PIK3AP1: variants seen among roughly 807,000 people sequenced by gnomAD.
The protein encoded by PIK3AP1 is phosphoinositide 3-kinase adapter protein 1.
In PIK3AP1, 21 loss-of-function variants were observed where a neutral mutation model predicts 88.1. That is an observed-to-expected ratio of 0.24 (90% CI 0.17 to 0.34). The LOEUF (loss-of-function observed/expected upper bound fraction) is 0.34, where lower values mean the gene tolerates loss of function less well. Ranked by LOEUF, PIK3AP1 falls within the 10% of genes least tolerant of loss-of-function variation. The pLI is 1.00. For missense variants in PIK3AP1, 828 were observed against 1,035.7 expected (o/e 0.80, Z 2.75); for synonymous variants, 398 against 400.0 (o/e 1.00, Z 0.06).
chr10:96,689,105 A>G lies in PIK3AP1; in HGVS notation c.430+20462T>C, dbSNP rs548587381. Among the ~76,000 whole-genome samples the G allele has an allele frequency of 7.4e-4, 113 of 152,040 alleles. 1 individual carries two copies. Among genetic ancestry groups the G allele is most frequent in the African/African-American group, 2.7e-3 (112 of 41,472 alleles). On this transcript the variant is annotated intron_variant, in intron 2 of 16. Transcript: ENST00000339364. Reference sequence around the variant, plus strand: ...GATGTTGAAGGTTCTTCTTCCACTGACTCAATATAACCTTCATAATCATTT... The same window carrying G: ...GATGTTGAAGGTTCTTCTTCCACTGGCTCAATATAACCTTCATAATCATTT...
chr10:96,710,681 C>T (rs755313646), intron 1 of PIK3AP1, among the ~76,000 whole-genome samples: 6 of 152,150 alleles, frequency 3.9e-5, no homozygotes, highest in Non-Finnish European at 8.8e-5. Context: ...ATGTTCCAGG[C>T]ACTCTTCCAA....
At chr10:96,612,944 GTGTGTGTATATATATATATATA>G (rs1368157001) in intron 13 of PIK3AP1, among the ~76,000 whole-genome samples, 2 of 57,120 alleles carry the variant, frequency 3.5e-5, no homozygotes, top group Admixed American at 5.9e-4. Flanking sequence ...TGAATTGTGT[GTGTGTGTATATATATATATATA>G]TATATATATA....
chr10:96,715,686 C>T (rs1370526120), intron 1 of PIK3AP1, among the ~76,000 whole-genome samples: 11 of 152,018 alleles, frequency 7.2e-5, no homozygotes, highest in South Asian at 2.1e-4. Flanking sequence ...GTCAGGAGAT[C>T]GAGACCATCC....
chr10:96,616,801 A>G, intron 12 of PIK3AP1, 90 bp from the exon 13 acceptor site: 1 of 1,244,876 alleles, frequency 8.0e-7, no homozygotes, highest in Non-Finnish European at 1.2e-6. Context: ...TGCTGTTTGC[A>G]GGGTATATCA....
intron 14 of PIK3AP1, 99 bp downstream of exon 14, chr10:96,609,613 G>C: frequency 7.2e-7 from 1 of 1,385,606 alleles, no homozygotes; most frequent in Non-Finnish European, 9.8e-7. Flanking sequence ...GGCCCCACTG[G>C]AGATCTCCTG....
intron 2 of PIK3AP1, among the ~76,000 whole-genome samples, chr10:96,678,901 C>T (rs531185966): frequency 9.2e-5 from 14 of 152,216 alleles, no homozygotes; most frequent in East Asian, 5.8e-4. Flanking sequence ...AAGAGGAGAG[C>T]GACCCACTAA....
At chr10:96,660,496 G>C (rs527640679) in intron 2 of PIK3AP1, among the ~76,000 whole-genome samples, 1 of 152,292 alleles carries the variant, frequency 6.6e-6, no homozygotes, top group Admixed American at 6.5e-5. Context: ...TCAGGAAGTG[G>C]AGCAACAAGA....
At chr10:96,700,511 G>A (rs990974079) in intron 2 of PIK3AP1, among the ~76,000 whole-genome samples, 5 of 152,186 alleles carry the variant, frequency 3.3e-5, no homozygotes, top group Non-Finnish European at 5.9e-5. Context: ...AGTGACATTG[G>A]AAGGATTTCA....
At chr10:96,677,620 C>T (rs1224509517) in intron 2 of PIK3AP1, among the ~76,000 whole-genome samples, 1 of 149,664 alleles carries the variant, frequency 6.7e-6, no homozygotes, top group East Asian at 1.9e-4. Context: ...CACACACACA[C>T]ACACACAAAA....
intron 8 of PIK3AP1, among the ~76,000 whole-genome samples, chr10:96,634,334 T>C (rs76981396): frequency 0.013 from 1,959 of 152,136 alleles, 47 homozygotes; most frequent in African/African-American, 0.045. Flanking sequence ...CTAGAGTCAA[T>C]TGAACAGACT....
At chr10:96,706,618 T>G (rs949714412) in intron 2 of PIK3AP1, among the ~76,000 whole-genome samples, 2 of 152,196 alleles carry the variant, frequency 1.3e-5, no homozygotes, top group South Asian at 4.1e-4. Context: ...AATCTGCCAC[T>G]TACAGAAAAG....
chr10:96,641,659 T>C (rs1469198467), intron 8 of PIK3AP1, among the ~76,000 whole-genome samples: 1 of 152,100 alleles, frequency 6.6e-6, no homozygotes, highest in Non-Finnish European at 1.5e-5. Context: ...AGCAGACAGA[T>C]TTGCCTCCTG....
chr10:96,670,067 C>T (rs552059131), intron 2 of PIK3AP1, among the ~76,000 whole-genome samples: 3 of 146,474 alleles, frequency 2.0e-5, no homozygotes, highest in South Asian at 2.2e-4. Flanking sequence ...CCCAGCTACT[C>T]GGGAAGCTGA....
chr10:96,628,921 T>TATATATATATATAG (rs1843199387), intron 8 of PIK3AP1, among the ~76,000 whole-genome samples: 2 of 129,780 alleles, frequency 1.5e-5, no homozygotes, highest in Admixed American at 7.9e-5. Context: ...TATATATATA[T>TATATATATATATAG]ATATATATGG....
In PIK3AP1 at chr10:96,651,798, G is replaced by A. The variant is rs1411904880; in HGVS notation, c.713-147C>T. The A allele has an allele frequency of 4.3e-6, 4 of 927,984 alleles. No individual in the cohort carries two copies. In the South Asian group the frequency reaches 5.2e-5, roughly 12 times the overall value. The allele number at this position is 927,984 out of a possible 1,614,324, so 57.5% of individuals were successfully genotyped here. ...ATCTTGGAGGTGAGCTGGGGCGGGA[G>A]TGAGGGAAAGGGTGGAGGTAGCAGG... On this transcript the variant is annotated intron_variant, in intron 4 of 16. Coordinates refer to ENST00000339364, the MANE Select transcript of PIK3AP1 (RefSeq NM_152309.3).
intron 2 of PIK3AP1, among the ~76,000 whole-genome samples, chr10:96,685,839 C>T (rs1420811045): frequency 6.6e-6 from 1 of 152,154 alleles, no homozygotes; most frequent in Non-Finnish European, 1.5e-5. Flanking sequence ...GTGTGCCCAT[C>T]CCTGCTGAGT....
chr10:96,604,607 A>G (rs1458675118), intron 14 of PIK3AP1, among the ~76,000 whole-genome samples: 1 of 152,136 alleles, frequency 6.6e-6, no homozygotes, highest in Non-Finnish European at 1.5e-5. Context: ...GGCTTTGAAA[A>G]TGTGATTGCC....
At chr10:96,598,555 A>AG in intron 16 of PIK3AP1, among the ~76,000 whole-genome samples, 1 of 152,262 alleles carries the variant, frequency 6.6e-6, no homozygotes, top group Non-Finnish European at 1.5e-5. Context: ...TAGGGATAGG[A>AG]GAAAAAAAAT....
chr10:96,714,041 G>T (rs1211916264), intron 1 of PIK3AP1, among the ~76,000 whole-genome samples: 1 of 152,146 alleles, frequency 6.6e-6, no homozygotes, highest in East Asian at 1.9e-4. Flanking sequence ...GGGCATGGTG[G>T]CATGCGTCTG....
Sources: allele counts gnomAD v4.1 joint callset (sites outside exome capture counted in the v4.1 genomes callset), GRCh38; gene constraint gnomAD v4.1.1; transcripts MANE v1.5; gene names NCBI Gene and HGNC (gene_info 2026-07-23, HGNC 2026-07-21).